Variants in NEXN observed in about 807,000 individuals in gnomAD.
NEXN encodes nexilin F-actin binding protein.
A neutral mutation model predicts 92.6 loss-of-function variants in NEXN; 65 were observed. The ratio of observed to expected loss-of-function variants is 0.70; its 90% confidence interval spans 0.57 to 0.86. The LOEUF (loss-of-function observed/expected upper bound fraction) is 0.86, where lower values mean the gene tolerates loss of function less well. NEXN is among the 40% of genes least tolerant of loss of function. The pLI is 0.00. For synonymous variants in NEXN, 254 were observed against 242.5 expected (o/e 1.05, Z -0.44); for missense variants, 778 against 771.1 (o/e 1.01, Z -0.11).
chr1:77,943,039 T>A lies in NEXN; in HGVS notation c.*210T>A. On this transcript the variant is annotated 3_prime_UTR_variant, in exon 13 of 13. Transcript: ENST00000334785. ...TATGCTGACTTCTTATTCCTTTTCA[T>A]AACAGTCTTCAAAGCACAGCTCATC... 1 of 608,850 alleles carries A rather than the reference T, an allele frequency of 1.6e-6. No individual in the cohort carries two copies. The highest frequency in any genetic ancestry group is 3.0e-6 in the Non-Finnish European group (1 of 334,056). The allele number at this position is 608,850 out of a possible 1,614,324, so 37.7% of individuals were successfully genotyped here.
In NEXN at chr1:77,943,036, T is replaced by C. The variant is rs1651532664; in HGVS notation, c.*207T>C. The C allele has an allele frequency of 1.6e-6, 1 of 614,742 alleles. No individual in the cohort carries two copies. Among genetic ancestry groups the C allele is most frequent in the Non-Finnish European group, 3.0e-6 (1 of 337,780 alleles). 38.1% of individuals were successfully genotyped at this position (614,742 alleles called of 1,614,324 possible). A position where few individuals can be genotyped will look rare whatever the true frequency, so the allele number is the denominator to read the frequency against. ...CACTATGCTGACTTCTTATTCCTTTTCATAACAGTCTTCAAAGCACAGCTC... is the reference window on the plus strand; with the variant it reads ...CACTATGCTGACTTCTTATTCCTTTCCATAACAGTCTTCAAAGCACAGCTC... On this transcript the variant is annotated 3_prime_UTR_variant, in exon 13 of 13. Coordinates refer to ENST00000334785, the MANE Select transcript of NEXN (RefSeq NM_144573.4).
At chr1:77,929,590 T>A in intron 9 of NEXN, 86 bp downstream of exon 9, 1 of 1,553,540 alleles carries the variant, frequency 6.4e-7, no homozygotes. Flanking sequence ...GAGAATACCC[T>A]ATTATTTCTG....
At chr1:77,889,313 C>G (rs1452247294) in intron 1 of NEXN, 2 of 151,344 alleles carry the variant, frequency 1.3e-5, no homozygotes, top group East Asian at 3.9e-4. Context: ...CTATTACTCC[C>G]CCCCCACACC....
chr1:77,918,122 T>C lies in NEXN; in HGVS notation c.299-3T>C, dbSNP rs397517856. ...ATCAAACTTTTTTTTCATATATTTTTAGGAACTGTGAAGGGTAGATTTGCT... is the reference window on the plus strand; with the variant it reads ...ATCAAACTTTTTTTTCATATATTTTCAGGAACTGTGAAGGGTAGATTTGCT... On this transcript the variant is annotated splice_region_variant and splice_polypyrimidine_tract_variant and intron_variant, in intron 4 of 12. Transcript: ENST00000334785. 15 of 1,613,892 alleles carry C rather than the reference T, an allele frequency of 9.3e-6. No homozygotes were observed. The highest frequency in any genetic ancestry group is 1.3e-5 in the African/African-American group (1 of 75,020).
At position 77,943,107 on chromosome 1, in the gene NEXN, C is replaced by T. The variant is rs539177008; in HGVS notation, c.*278C>T. On this transcript the variant is annotated 3_prime_UTR_variant, in exon 13 of 13. Coordinates refer to ENST00000334785, the MANE Select transcript of NEXN (RefSeq NM_144573.4). ...TTTTCCAAATAAGCATCAGATTTAT[C>T]GCCTATTATGCAGTAACAGTCAATA... is the stretch of plus-strand genomic sequence containing the variant. 6 of 418,306 alleles carry T rather than the reference C, an allele frequency of 1.4e-5. No individual in the cohort carries two copies. The highest frequency in any genetic ancestry group is 5.5e-5 in the East Asian group (1 of 18,144). 25.9% of individuals were successfully genotyped at this position (418,306 alleles called of 1,614,324 possible).
At chr1:77,896,887 C>T (rs1232609767) in intron 1 of NEXN, among the ~76,000 whole-genome samples, 4 of 152,038 alleles carry the variant, frequency 2.6e-5, no homozygotes, top group African/African-American at 4.8e-5. Context: ...AACACCTCTA[C>T]GCAAATAAAC....
At chr1:77,939,432 A>G (rs1484490454) in intron 11 of NEXN, among the ~76,000 whole-genome samples, 2 of 152,368 alleles carry the variant, frequency 1.3e-5, no homozygotes, top group Admixed American at 6.5e-5. Context: ...TAAGCCCTGG[A>G]GAACACCAAT....
intron 11 of NEXN, among the ~76,000 whole-genome samples, chr1:77,938,624 TATG>T (rs2102165463): frequency 1.3e-5 from 2 of 150,388 alleles, no homozygotes; most frequent in East Asian, 3.9e-4. Context: ...TCTAATGACG[TATG>T]ATGAAGAAAA....
Position 77,917,684 on chromosome 1 carries a change from G to C in NEXN, c.146G>C (p.Arg49Thr). ...QRAREERNQR[R>T]SRDEKQRRKE... ...GCCAGGGAAGAAAGAAATCAAAGGA[G>C]ATCTAGAGACGAAAAACAAAGAAGA... The change falls in exon 3 of 13, where the codon AGA becomes ACA. Residue 49 changes from arginine (R) to threonine (T), a missense_variant. This residue lies in a region of NEXN where 236 missense variants were observed against 265.6 expected (regional missense o/e 0.89). Coordinates refer to ENST00000334785, the MANE Select transcript of NEXN (RefSeq NM_144573.4). 1.9e-6 allele frequency: 3 copies of C among 1,612,436 alleles called. No homozygotes were observed. The highest frequency in any genetic ancestry group is 1.7e-5 in the Admixed American group (1 of 59,924).
chr1:77,905,516 C>A (rs1385033017), intron 1 of NEXN, among the ~76,000 whole-genome samples: 4 of 151,436 alleles, frequency 2.6e-5, no homozygotes, highest in African/African-American at 7.3e-5. Context: ...CATAGTGAGA[C>A]CCTGTCTCGA....
At chr1:77,939,699 G>C (rs1651091227) in intron 11 of NEXN, among the ~76,000 whole-genome samples, 1 of 152,150 alleles carries the variant, frequency 6.6e-6, no homozygotes, top group South Asian at 2.1e-4. Flanking sequence ...AGAATATCCT[G>C]AATGGAGTTT....
chr1:77,935,793 C>G, intron 10 of NEXN, 30 bp from the exon 11 acceptor site: 4 of 1,582,808 alleles, frequency 2.5e-6, no homozygotes, highest in Non-Finnish European at 3.5e-6. Flanking sequence ...TCAAAAACAG[C>G]AGCAACAAAC....
intron 7 of NEXN, 44 bp from the exon 8 acceptor site, chr1:77,926,672 T>A: frequency 6.2e-7 from 1 of 1,613,876 alleles, no homozygotes. Context: ...TTAGCAGCAT[T>A]TTCCTTTATG....
At chr1:77,934,004 A>AATT (rs1289566597) in intron 10 of NEXN, among the ~76,000 whole-genome samples, 9 of 83,150 alleles carry the variant, frequency 1.1e-4, no homozygotes, top group African/African-American at 4.8e-4. Context: ...TGTCTGGCTA[A>AATT]TTTTTAATTT....
intron 1 of NEXN, among the ~76,000 whole-genome samples, chr1:77,896,761 T>TA (rs199521583): frequency 0.012 from 1,627 of 139,818 alleles, 37 homozygotes; most frequent in African/African-American, 0.039. Context: ...TCTGTCTAAT[T>TA]AAAAAAAAAA....
intron 1 of NEXN, among the ~76,000 whole-genome samples, chr1:77,908,620 G>A (rs535459793): frequency 3.6e-4 from 55 of 151,460 alleles, no homozygotes; most frequent in African/African-American, 1.3e-3. Context: ...GGCTGGTCTC[G>A]AACACCTGAA....
chr1:77,917,540 C>T (rs1557973713), intron 2 of NEXN, 26 bp from the exon 3 acceptor site: 7 of 1,560,460 alleles, frequency 4.5e-6, no homozygotes, highest in African/African-American at 1.4e-5. Flanking sequence ...CGTTAACTTT[C>T]TTTTTTTTAT....
intron 3 of NEXN, 79 bp from the exon 4 acceptor site, chr1:77,917,881 C>T: frequency 1.4e-6 from 2 of 1,453,376 alleles, no homozygotes; most frequent in Non-Finnish European, 1.9e-6. Flanking sequence ...GTATTTGTAA[C>T]CTAATTTAAA....
At chr1:77,941,920 A>C (rs1651349911) in intron 11 of NEXN, 103 bp from the exon 12 acceptor site, 1 of 1,163,996 alleles carries the variant, frequency 8.6e-7, no homozygotes, top group East Asian at 2.6e-5. Context: ...TATGCATTAT[A>C]AACATGTTAA....
Sources: allele counts gnomAD v4.1 joint callset (sites outside exome capture counted in the v4.1 genomes callset), GRCh38; gene constraint gnomAD v4.1.1; regional missense constraint gnomAD v4.1.1; transcripts MANE v1.5; gene names NCBI Gene and HGNC (gene_info 2026-07-23, HGNC 2026-07-21).